CTNNA3: variants seen among roughly 807,000 people sequenced by gnomAD.
The protein encoded by CTNNA3 is catenin alpha 3.
Under a neutral mutation model 95.7 loss-of-function variants are expected in CTNNA3, and 76 were observed. That is an observed-to-expected ratio of 0.79 (90% CI 0.66 to 0.96). The LOEUF is 0.96. Among genes scored for constraint, CTNNA3 ranks in the 40% least tolerant of loss-of-function variants. The pLI is 0.00. For synonymous variants in CTNNA3, 431 were observed against 374.4 expected (o/e 1.15, Z -1.74); for missense variants, 1,191 against 1,089.8 (o/e 1.09, Z -1.31).
chr10:65,947,093 T>G (rs1005633150), intron 17 of CTNNA3, among the ~76,000 whole-genome samples: 5 of 136,428 alleles, frequency 3.7e-5, no homozygotes, highest in Non-Finnish European at 5.9e-5. Context: ...TTTGTTTGTT[T>G]TTTTTTTTTT....
intron 7 of CTNNA3, among the ~76,000 whole-genome samples, chr10:67,082,666 T>C (rs559852407): frequency 3.3e-5 from 5 of 152,320 alleles, no homozygotes; most frequent in African/African-American, 1.2e-4. Flanking sequence ...TAGGAATATG[T>C]TATTTCCAAG....
At chr10:66,366,400 A>G (rs539406393) in intron 12 of CTNNA3, among the ~76,000 whole-genome samples, 1 of 152,326 alleles carries the variant, frequency 6.6e-6, no homozygotes, top group South Asian at 2.1e-4. Flanking sequence ...GCTATTGTCT[A>G]CATATGTGTT....
chr10:66,283,229 C>A (rs1238865140), intron 12 of CTNNA3, among the ~76,000 whole-genome samples: 1 of 151,786 alleles, frequency 6.6e-6, no homozygotes, highest in Non-Finnish European at 1.5e-5. Flanking sequence ...ATGCTCTATT[C>A]ACTCCAAAGA....
chr10:67,196,702 T>C (rs1416884005), intron 6 of CTNNA3, among the ~76,000 whole-genome samples: 1 of 152,066 alleles, frequency 6.6e-6, no homozygotes, highest in Non-Finnish European at 1.5e-5. Flanking sequence ...TTTTATCTTT[T>C]TATATCAATA....
At chr10:66,760,452 T>TTTTG (rs145949704) in intron 9 of CTNNA3, among the ~76,000 whole-genome samples, 10 of 152,130 alleles carry the variant, frequency 6.6e-5, no homozygotes, top group Non-Finnish European at 1.0e-4. Context: ...ACTTGGAGTT[T>TTTTG]TTTGTTTGTT....
chr10:66,346,282 G>T (rs1451439749), intron 12 of CTNNA3, among the ~76,000 whole-genome samples: 2 of 134,026 alleles, frequency 1.5e-5, no homozygotes, highest in African/African-American at 5.6e-5. Flanking sequence ...GAGAGAGAGA[G>T]AGAGAAAGAG....
chr10:66,344,446 T>C (rs1273103736), intron 12 of CTNNA3, among the ~76,000 whole-genome samples: 1 of 150,798 alleles, frequency 6.6e-6, no homozygotes, highest in East Asian at 2.0e-4. Flanking sequence ...TTTGTATTTG[T>C]AGTAGAGACA....
chr10:67,184,648 AC>A (rs1862746851), intron 6 of CTNNA3, among the ~76,000 whole-genome samples: 1 of 152,220 alleles, frequency 6.6e-6, no homozygotes, highest in South Asian at 2.1e-4. Context: ...ATGTTCTGCC[AC>A]CTTGAGCTTC....
rs562321902 is a variant in CTNNA3, at chr10:66,676,817, T to G, written c.1282-55033A>C. Among the ~76,000 whole-genome samples the G allele has an allele frequency of 7.9e-5, 12 of 152,246 alleles. No homozygotes were observed. In the South Asian group the frequency reaches 2.3e-3, roughly 29 times the overall value. ...GTTTAGAGTCAATAGTTAATAAACA[T>G]TCTGGCAGCACAGGCTGGCCCACAT... On this transcript the variant is annotated intron_variant, in intron 9 of 17. Coordinates refer to ENST00000433211, the MANE Select transcript of CTNNA3 (RefSeq NM_013266.4).
At chr10:66,357,400 A>G (rs576399201) in intron 12 of CTNNA3, among the ~76,000 whole-genome samples, 13 of 152,214 alleles carry the variant, frequency 8.5e-5, no homozygotes, top group African/African-American at 2.9e-4. Context: ...GCGTTTTGGT[A>G]TATTCACAAA....
chr10:66,072,363 T>G (rs1291060386), intron 14 of CTNNA3, among the ~76,000 whole-genome samples: 3 of 152,130 alleles, frequency 2.0e-5, no homozygotes, highest in African/African-American at 7.2e-5. Context: ...ATTTTTATTG[T>G]TTTTCTCTGT....
chr10:67,705,830 C>T (rs1406112762), intron 1 of CTNNA3, among the ~76,000 whole-genome samples: 1 of 151,830 alleles, frequency 6.6e-6, no homozygotes, highest in Non-Finnish European at 1.5e-5. Flanking sequence ...CTCTTCCTCT[C>T]GTATGCCCTC....
At chr10:67,417,533 A>G (rs1845587966) in intron 5 of CTNNA3, among the ~76,000 whole-genome samples, 1 of 152,206 alleles carries the variant, frequency 6.6e-6, no homozygotes, top group Admixed American at 6.5e-5. Flanking sequence ...GAGTGGATCT[A>G]CCCTAAAAGT....
intron 5 of CTNNA3, among the ~76,000 whole-genome samples, chr10:67,291,113 CCA>C (rs1367897382): frequency 1.3e-5 from 2 of 152,120 alleles, no homozygotes; most frequent in Non-Finnish European, 2.9e-5. Flanking sequence ...ATTGATCCCT[CCA>C]AGTCTCAGTC....
At position 67,228,473 on chromosome 10, in the gene CTNNA3, C is replaced by G. The variant is rs113360868; in HGVS notation, c.580-8603G>C. Among the ~76,000 whole-genome samples, 404 of 151,996 alleles carry G rather than the reference C, an allele frequency of 2.7e-3. 3 individuals are homozygous for G. Among genetic ancestry groups the G allele is most frequent in the African/African-American group, 9.1e-3 (378 of 41,474 alleles). On this transcript the variant is annotated intron_variant, in intron 5 of 17. Coordinates refer to ENST00000433211, the MANE Select transcript of CTNNA3 (RefSeq NM_013266.4). ...ACCAAAAATACAAAAATTAGCAGGG[C>G]GTGGTGGCAGGCACCTGTAATCCCA...
chr10:66,441,718 A>G (rs953616958), intron 11 of CTNNA3, among the ~76,000 whole-genome samples: 1 of 152,218 alleles, frequency 6.6e-6, no homozygotes, highest in Non-Finnish European at 1.5e-5. Context: ...TCCAGAATAT[A>G]AAAACACTGT....
At position 67,488,672 on chromosome 10, in the gene CTNNA3, C is replaced by CT. The variant is rs565227051; in HGVS notation, c.579+33169dup. Among the ~76,000 whole-genome samples, 445 of 130,734 alleles carry CT rather than the reference C, an allele frequency of 3.4e-3. 4 individuals are homozygous for CT. Among genetic ancestry groups the CT allele is most frequent in the South Asian group, 0.023 (94 of 4,120 alleles). 85.8% of individuals were successfully genotyped at this position (130,734 alleles called of 152,430 possible). A position where few individuals can be genotyped will look rare whatever the true frequency, so the allele number is the denominator to read the frequency against. On this transcript the variant is annotated intron_variant, in intron 5 of 17. Coordinates refer to ENST00000433211, the MANE Select transcript of CTNNA3 (RefSeq NM_013266.4). ...AGGTGTGAGCCAAAGTGCCCGGCCT[C>CT]TTTTTTTTTTTTTTTTGAGACAAAG... is the stretch of plus-strand genomic sequence containing the variant.
chr10:67,205,755 A>C (rs752514498), intron 6 of CTNNA3, among the ~76,000 whole-genome samples: 47 of 152,312 alleles, frequency 3.1e-4, no homozygotes, highest in Middle Eastern at 3.4e-3. Flanking sequence ...AGGAAAAGGT[A>C]AGGATAAATA....
chr10:66,700,506 C>T (rs1386757552), intron 9 of CTNNA3, among the ~76,000 whole-genome samples: 1 of 152,088 alleles, frequency 6.6e-6, no homozygotes, highest in African/African-American at 2.4e-5. Context: ...TGTTTTTATG[C>T]CAGTAACATA....
Sources: gnomAD v4.1 joint callset for allele counts (sites outside exome capture counted in the v4.1 genomes callset) on GRCh38, gnomAD v4.1.1 for gene constraint, MANE v1.5 for transcripts, NCBI Gene and HGNC (gene_info 2026-07-23, HGNC 2026-07-21) for gene names.